RBFOX1: variants seen among roughly 807,000 people sequenced by gnomAD.
RBFOX1 encodes RNA binding protein fox-1 homolog 1.
A neutral mutation model predicts 57.7 loss-of-function variants in RBFOX1; 8 were observed. The observed-to-expected ratio is 0.14, with a 90% CI of 0.08 to 0.25. The LOEUF (loss-of-function observed/expected upper bound fraction) is 0.25. RBFOX1 is among the 10% of genes least tolerant of loss of function. RBFOX1 has a pLI of 1.00. For synonymous variants in RBFOX1, 326 were observed against 222.4 expected, an observed-to-expected ratio of 1.47 and a Z score of -4.15; for missense variants, 611 against 548.5, an observed-to-expected ratio of 1.11 and a Z score of -1.14.
At position 6,060,144 on chromosome 16, in the gene RBFOX1, T is replaced by G. The variant is rs1245208076; in HGVS notation, c.-127+40152T>G. On this transcript the variant is annotated intron_variant, in intron 1 of 15. Coordinates refer to ENST00000550418, the MANE Select transcript of RBFOX1 (RefSeq NM_018723.4). ...AGGGTTTTTTTTTTTTTTTTTTTTTTTTTTTTTTTTTTTTACGTATAACAA... is the reference window on the plus strand; with the variant it reads ...AGGGTTTTTTTTTTTTTTTTTTTTTGTTTTTTTTTTTTTTACGTATAACAA... Among the ~76,000 whole-genome samples, 299 of 91,234 alleles carry G rather than the reference T, an allele frequency of 3.3e-3. 4 individuals are homozygous for G. Among genetic ancestry groups the G allele is most frequent in the Non-Finnish European group, 5.1e-3 (206 of 40,642 alleles). The allele number at this position is 91,234 out of a possible 152,430, so 59.9% of individuals were successfully genotyped here.
intron 3 of RBFOX1, among the ~76,000 whole-genome samples, chr16:6,803,922 T>C (rs2086089181): frequency 6.6e-6 from 1 of 152,164 alleles, no homozygotes; most frequent in Non-Finnish European, 1.5e-5. Flanking sequence ...TTGTTGTAGA[T>C]CTGGCATCTT....
chr16:5,720,694 G>A (rs2079732), intron 3 of RBFOX1, among the ~76,000 whole-genome samples: 1 of 151,978 alleles, frequency 6.6e-6, no homozygotes, highest in Non-Finnish European at 1.5e-5. Flanking sequence ...TTATTCTCTT[G>A]CCCTTGAATG....
chr16:7,661,474 C>G (rs571599482), intron 12 of RBFOX1, among the ~76,000 whole-genome samples: 17 of 152,320 alleles, frequency 1.1e-4, no homozygotes, highest in African/African-American at 3.9e-4. Context: ...CTCTACCGAG[C>G]CAAGGCTTTG....
intron 3 of RBFOX1, among the ~76,000 whole-genome samples, chr16:5,818,727 G>A (rs1250471392): frequency 2.6e-5 from 4 of 152,208 alleles, no homozygotes; most frequent in Non-Finnish European, 4.4e-5. Flanking sequence ...TGAGCTTCAA[G>A]GTATGATTAG....
chr16:6,561,641 A>G (rs893867018), intron 2 of RBFOX1, among the ~76,000 whole-genome samples: 5 of 152,170 alleles, frequency 3.3e-5, no homozygotes, highest in Non-Finnish European at 5.9e-5. Flanking sequence ...TGTTCCTGCT[A>G]TTCTTTTCCT....
chr16:6,717,182 A>G (rs773229726), intron 3 of RBFOX1, among the ~76,000 whole-genome samples: 4 of 152,150 alleles, frequency 2.6e-5, no homozygotes, highest in African/African-American at 9.7e-5. Context: ...GTATTGTGTT[A>G]CAGCAACTCG....
intron 4 of RBFOX1, among the ~76,000 whole-genome samples, chr16:7,286,605 A>G (rs1361794095): frequency 6.9e-6 from 1 of 144,918 alleles, no homozygotes; most frequent in Non-Finnish European, 1.5e-5. Context: ...GCACACCACC[A>G]GGACTGGCTA....
intron 2 of RBFOX1, among the ~76,000 whole-genome samples, chr16:6,389,239 C>T (rs2092467566): frequency 6.6e-6 from 1 of 152,064 alleles, no homozygotes; most frequent in Non-Finnish European, 1.5e-5. Context: ...TGTCTGTGGG[C>T]ACAAGTTGGG....
intron 3 of RBFOX1, among the ~76,000 whole-genome samples, chr16:7,041,861 T>C (rs944886206): frequency 1.3e-5 from 2 of 152,224 alleles, no homozygotes; most frequent in African/African-American, 4.8e-5. Flanking sequence ...CTTTGCTTAG[T>C]AATTCTTATA....
intron 1 of RBFOX1, among the ~76,000 whole-genome samples, chr16:5,283,609 C>G (rs569255588): frequency 6.6e-6 from 1 of 152,086 alleles, no homozygotes; most frequent in East Asian, 1.9e-4. Flanking sequence ...CAAAGGAGAT[C>G]ATTTTGGAGC....
intron 4 of RBFOX1, among the ~76,000 whole-genome samples, chr16:7,465,272 C>G (rs1264511340): frequency 2.6e-5 from 4 of 152,212 alleles, no homozygotes; most frequent in African/African-American, 9.6e-5. Flanking sequence ...TTGAAGTACA[C>G]ACTCATTACA....
intron 4 of RBFOX1, among the ~76,000 whole-genome samples, chr16:7,316,654 C>G (rs2096446106): frequency 2.0e-5 from 3 of 152,020 alleles, no homozygotes; most frequent in African/African-American, 7.2e-5. Context: ...GATAAATGCT[C>G]TGAAGGAAAA....
intron 4 of RBFOX1, among the ~76,000 whole-genome samples, chr16:7,515,529 A>C (rs1395618773): frequency 6.6e-6 from 1 of 152,176 alleles, no homozygotes; most frequent in East Asian, 1.9e-4. Context: ...GAAGTGATGG[A>C]TATGCTAATT....
chr16:5,614,475 A>G (rs1431122067), intron 3 of RBFOX1, among the ~76,000 whole-genome samples: 1 of 152,078 alleles, frequency 6.6e-6, no homozygotes, highest in African/African-American at 2.4e-5. Flanking sequence ...GACATAAATG[A>G]TTTCTGGTGC....
intron 3 of RBFOX1, among the ~76,000 whole-genome samples, chr16:6,776,872 C>G (rs1289162963): frequency 6.6e-6 from 1 of 152,216 alleles, no homozygotes; most frequent in African/African-American, 2.4e-5. Flanking sequence ...ATGAACATGG[C>G]ATGTGGCACA....
At chr16:5,979,965 G>A (rs917271688) in intron 4 of RBFOX1, among the ~76,000 whole-genome samples, 1 of 152,152 alleles carries the variant, frequency 6.6e-6, no homozygotes, top group Non-Finnish European at 1.5e-5. Flanking sequence ...TTTGAACCCA[G>A]ACAGTCTGAC....
intron 1 of RBFOX1, among the ~76,000 whole-genome samples, chr16:5,362,659 GC>G (rs2065587451): frequency 6.6e-6 from 1 of 152,072 alleles, no homozygotes; most frequent in African/African-American, 2.4e-5. Context: ...ACCGCGCCAG[GC>G]CACATCACTG....
chr16:7,017,265 A>G (rs1201607789), intron 3 of RBFOX1, among the ~76,000 whole-genome samples: 1 of 152,212 alleles, frequency 6.6e-6, no homozygotes, highest in African/African-American at 2.4e-5. Flanking sequence ...GTGCTCTGCC[A>G]AGGCCCAAGT....
intron 11 of RBFOX1, among the ~76,000 whole-genome samples, chr16:7,648,011 C>T (rs780038986): frequency 6.6e-6 from 1 of 152,064 alleles, no homozygotes; most frequent in Non-Finnish European, 1.5e-5. Context: ...TACATTTTAC[C>T]ATGTTCCAGA....
Sources: gnomAD v4.1 joint callset for allele counts (sites outside exome capture counted in the v4.1 genomes callset) on GRCh38, gnomAD v4.1.1 for gene constraint, MANE v1.5 for transcripts, NCBI Gene and HGNC (gene_info 2026-07-23, HGNC 2026-07-21) for gene names.